DAB1: variants seen among roughly 807,000 people sequenced by gnomAD.
DAB1 encodes the protein DAB adaptor protein 1.
In DAB1, 15 loss-of-function variants were observed where a neutral mutation model predicts 64.6. That is an observed-to-expected ratio of 0.23 (90% CI 0.16 to 0.36). DAB1 has a LOEUF of 0.36. Ranked by LOEUF, DAB1 falls within the 10% of genes least tolerant of loss-of-function variation. DAB1 has a pLI of 1.00. For missense variants in DAB1, 596 were observed against 706.7 expected, an observed-to-expected ratio of 0.84 and a Z score of 1.78; for synonymous variants, 235 against 251.9, an observed-to-expected ratio of 0.93 and a Z score of 0.64.
intron 1 of DAB1, among the ~76,000 whole-genome samples, chr1:57,379,463 A>C (rs1681182175): frequency 6.6e-6 from 1 of 152,238 alleles, no homozygotes. Context: ...AGTGAAATTA[A>C]TACTACAGCT....
chr1:57,827,351 C>T (rs966453353), intron 1 of DAB1, among the ~76,000 whole-genome samples: 2 of 152,188 alleles, frequency 1.3e-5, no homozygotes, highest in African/African-American at 4.8e-5. Context: ...AGTATCTGTG[C>T]CTAGGATAAC....
intron 7 of DAB1, among the ~76,000 whole-genome samples, chr1:57,600,582 TGGG>T (rs1645565755): frequency 6.6e-6 from 1 of 152,168 alleles, no homozygotes; most frequent in Admixed American, 6.5e-5. Context: ...GGGGTCGGGA[TGGG>T]TTAAGGCAGG....
At chr1:57,524,156 G>A (rs912500245) in intron 7 of DAB1, among the ~76,000 whole-genome samples, 10 of 151,958 alleles carry the variant, frequency 6.6e-5, no homozygotes, top group East Asian at 3.9e-4. Flanking sequence ...TGGAGCTTTC[G>A]GTGGGGGAAG....
intron 6 of DAB1, among the ~76,000 whole-genome samples, chr1:57,651,613 A>G (rs2101655699): frequency 6.6e-6 from 1 of 152,244 alleles, no homozygotes; most frequent in East Asian, 1.9e-4. Flanking sequence ...GTTTTCTTAT[A>G]TATAAAGTGG....
intron 5 of DAB1, among the ~76,000 whole-genome samples, chr1:58,036,968 G>T (rs773726885): frequency 1.3e-5 from 2 of 152,164 alleles, no homozygotes; most frequent in Non-Finnish European, 2.9e-5. Flanking sequence ...CTAGTCAATG[G>T]AATATGATTC....
chr1:58,134,441 A>G (rs1022475920), intron 5 of DAB1, among the ~76,000 whole-genome samples: 1 of 152,180 alleles, frequency 6.6e-6, no homozygotes, highest in Non-Finnish European at 1.5e-5. Context: ...TTGGGGTTTC[A>G]GTTCCAACAT....
intron 4 of DAB1, among the ~76,000 whole-genome samples, chr1:58,319,374 T>C (rs1190939168): frequency 2.6e-5 from 4 of 152,216 alleles, no homozygotes; most frequent in Non-Finnish European, 5.9e-5. Flanking sequence ...CACCTACAAA[T>C]AACAAACCAA....
chr1:58,111,348 G>C (rs1393326004), intron 5 of DAB1, among the ~76,000 whole-genome samples: 1 of 152,214 alleles, frequency 6.6e-6, no homozygotes. Flanking sequence ...AGCAGCACAA[G>C]ATGTTCTGTG....
chr1:58,346,431 C>T (rs575386322), intron 3 of DAB1, among the ~76,000 whole-genome samples: 3 of 152,282 alleles, frequency 2.0e-5, no homozygotes, highest in Non-Finnish European at 2.9e-5. Context: ...TTAAGTCAGT[C>T]GGGTTCAATT....
chr1:58,247,050 G>A (rs1660571204), intron 4 of DAB1, among the ~76,000 whole-genome samples: 1 of 152,118 alleles, frequency 6.6e-6, no homozygotes, highest in Non-Finnish European at 1.5e-5. Context: ...TTTGATCTGG[G>A]AGTAACACGA....
chr1:57,075,262 T>C (rs1651883078), intron 4 of DAB1, among the ~76,000 whole-genome samples: 1 of 152,212 alleles, frequency 6.6e-6, no homozygotes, highest in Non-Finnish European at 1.5e-5. Context: ...CAGATGGAGA[T>C]GTTTTAATTT....
intron 2 of DAB1, among the ~76,000 whole-genome samples, chr1:57,209,127 C>A (rs1019924992): frequency 6.6e-6 from 1 of 152,162 alleles, no homozygotes; most frequent in Non-Finnish European, 1.5e-5. Flanking sequence ...CTGAACAGAA[C>A]AAGCAATTGA....
chr1:57,628,952 C>T (rs1417396765), intron 7 of DAB1, among the ~76,000 whole-genome samples: 2 of 152,212 alleles, frequency 1.3e-5, no homozygotes, highest in African/African-American at 4.8e-5. Flanking sequence ...CAGTGCTATT[C>T]CAAGCATTGA....
intron 7 of DAB1, among the ~76,000 whole-genome samples, chr1:57,538,479 T>G (rs978350947): frequency 6.6e-6 from 1 of 152,014 alleles, no homozygotes; most frequent in Non-Finnish European, 1.5e-5. Flanking sequence ...GCAGGAAGAG[T>G]GCTCTCTCGG....
intron 5 of DAB1, among the ~76,000 whole-genome samples, chr1:58,023,101 C>G (rs1408722365): frequency 6.6e-6 from 1 of 152,126 alleles, no homozygotes; most frequent in Non-Finnish European, 1.5e-5. Context: ...CATGTTGTAC[C>G]TTTTGCATGG....
At chr1:58,526,903 A>G (rs1462247959) in intron 2 of DAB1, among the ~76,000 whole-genome samples, 1 of 152,162 alleles carries the variant, frequency 6.6e-6, no homozygotes, top group East Asian at 1.9e-4. Flanking sequence ...ACATAACCAA[A>G]TGTTTTAAAA....
rs1281227964 is a variant in DAB1, at chr1:57,305,793, C to T, written c.-136-14627G>A. Among the ~76,000 whole-genome samples, 5 of 151,826 alleles carry T rather than the reference C, an allele frequency of 3.3e-5. 1 individual carries two copies. The highest frequency in any genetic ancestry group is 1.3e-4 in the Admixed American group (2 of 15,236). ...GACCATCCTGGCTAACATGGTGAAA[C>T]CCTGCCTCTACTAAAAATACAAAAA... On this transcript the variant is annotated intron_variant, in intron 1 of 14. Coordinates refer to ENST00000371236, the MANE Select transcript of DAB1 (RefSeq NM_001365792.1).
intron 1 of DAB1, among the ~76,000 whole-genome samples, chr1:57,378,173 C>G (rs150416212): frequency 2.3e-3 from 350 of 152,268 alleles, no homozygotes; most frequent in African/African-American, 8.1e-3. Flanking sequence ...CAAAAGACGT[C>G]CAGCTCAAAC....
At position 58,148,775 on chromosome 1, in the gene DAB1, A is replaced by AC. The variant is rs60017172; in HGVS notation, n.387+1735dup. On this transcript the variant is annotated intron_variant and non_coding_transcript_variant, in intron 5 of 20. Coordinates refer to the DAB1 transcript ENST00000485760. ...ATCATGAGAGCAGCACAGAAATCAC[A>AC]CCCCCCCCCCAACCTCATGATTCAA... Among the ~76,000 whole-genome samples, 1,122 of 136,876 alleles carry AC rather than the reference A, an allele frequency of 8.2e-3. 7 individuals carry two copies. Among genetic ancestry groups the AC allele is most frequent in the South Asian group, 0.012 (53 of 4,258 alleles). The allele number at this position is 136,876 out of a possible 152,430, so 89.8% of individuals were successfully genotyped here.
Sources: gnomAD v4.1 joint callset for allele counts (sites outside exome capture counted in the v4.1 genomes callset) on GRCh38, gnomAD v4.1.1 for gene constraint, MANE v1.5 for transcripts, NCBI Gene and HGNC (gene_info 2026-07-23, HGNC 2026-07-21) for gene names.